PTPRG: variants seen among roughly 807,000 people sequenced by gnomAD.
PTPRG encodes the protein protein tyrosine phosphatase receptor type G, also known as receptor-type tyrosine-protein phosphatase gamma.
In PTPRG, 102 loss-of-function variants were observed where a neutral mutation model predicts 165.3. The ratio of observed to expected loss-of-function variants is 0.62; its 90% CI spans 0.53 to 0.73. PTPRG has a LOEUF of 0.73. Among genes scored for constraint, PTPRG ranks in the 30% least tolerant of loss-of-function variants. PTPRG has a pLI of 0.00. For missense variants in PTPRG, 1,866 were observed against 1,861.4 expected, an observed-to-expected ratio of 1.00 and a Z score of -0.05; for synonymous variants, 675 against 669.5, an observed-to-expected ratio of 1.01 and a Z score of -0.13.
intron 1 of PTPRG, among the ~76,000 whole-genome samples, chr3:61,619,508 C>T (rs893356033): frequency 1.3e-5 from 2 of 152,138 alleles, no homozygotes; most frequent in African/African-American, 4.8e-5. Flanking sequence ...CACAGGACAG[C>T]CACCGCAGGA....
At chr3:62,046,808 A>G (rs1421717771) in intron 4 of PTPRG, among the ~76,000 whole-genome samples, 1 of 152,138 alleles carries the variant, frequency 6.6e-6, no homozygotes, top group Non-Finnish European at 1.5e-5. Context: ...GATTGTTTTG[A>G]CTGTTGTTAT....
chr3:62,281,879 C>T (rs1412922769), intron 27 of PTPRG, among the ~76,000 whole-genome samples, 170 bp downstream of exon 27: 1 of 151,816 alleles, frequency 6.6e-6, no homozygotes, highest in East Asian at 1.9e-4. Context: ...TTTGCTTTTT[C>T]CAGCTGGCTA....
chr3:61,975,232 C>A (rs774418937), intron 2 of PTPRG, among the ~76,000 whole-genome samples: 1 of 152,122 alleles, frequency 6.6e-6, no homozygotes, highest in Non-Finnish European at 1.5e-5. Flanking sequence ...TGATCTTGGA[C>A]AGGTTATTTA....
chr3:62,087,555 C>G (rs756717095), intron 5 of PTPRG, among the ~76,000 whole-genome samples: 4 of 152,170 alleles, frequency 2.6e-5, no homozygotes, highest in Non-Finnish European at 5.9e-5. Flanking sequence ...TGGGACCCCT[C>G]AAGGTATTAT....
intron 2 of PTPRG, among the ~76,000 whole-genome samples, chr3:61,977,662 A>C (rs2040540897): frequency 6.6e-6 from 1 of 152,156 alleles, no homozygotes; most frequent in Admixed American, 6.5e-5. Context: ...TTTTTTAAAA[A>C]GTTTAACTTT....
intron 1 of PTPRG, among the ~76,000 whole-genome samples, chr3:61,608,503 A>T (rs928870095): frequency 6.6e-6 from 1 of 152,164 alleles, no homozygotes; most frequent in African/African-American, 2.4e-5. Context: ...TGCTGCCAGG[A>T]TGTGCCACCC....
In PTPRG at chr3:62,273,886, T is replaced by C; in HGVS notation, c.3465+42T>C. On this transcript the variant is annotated intron_variant, in intron 23 of 29. Transcript: ENST00000474889. The surrounding 1 kb of genome is among the most constrained non-coding windows in gnomAD (Gnocchi z 4.1). ...GTTTCTTTGGCATAAAGCAAGAAAA[T>C]GTTTTAAATGCCTTGAGTTTGGGGG... The C allele has an allele frequency of 1.3e-6, 2 of 1,596,088 alleles. No homozygotes were observed. Among genetic ancestry groups the C allele is most frequent in the Non-Finnish European group, 1.7e-6 (2 of 1,166,622 alleles).
At chr3:61,739,734 C>T (rs1052875212) in intron 1 of PTPRG, among the ~76,000 whole-genome samples, 1 of 152,182 alleles carries the variant, frequency 6.6e-6, no homozygotes, top group Non-Finnish European at 1.5e-5. Context: ...TAGTAAATAA[C>T]TTATGATTGG....
chr3:61,902,366 G>T (rs1211714915), intron 2 of PTPRG, among the ~76,000 whole-genome samples: 1 of 152,196 alleles, frequency 6.6e-6, no homozygotes, highest in Non-Finnish European at 1.5e-5. Context: ...AGAAGCAGGT[G>T]CTTGCTAGAC....
chr3:61,576,938 C>T (rs1275496139), intron 1 of PTPRG, among the ~76,000 whole-genome samples: 1 of 152,100 alleles, frequency 6.6e-6, no homozygotes, highest in African/African-American at 2.4e-5. Context: ...CAGATTATGG[C>T]GCTTGTAGGA....
intron 2 of PTPRG, among the ~76,000 whole-genome samples, chr3:61,850,697 TATTGAC>T (rs2036941375): frequency 6.6e-6 from 1 of 152,214 alleles, no homozygotes; most frequent in South Asian, 2.1e-4. Flanking sequence ...TTTATATTTT[TATTGAC>T]ATTAAGATGG....
chr3:61,814,089 T>TG (rs1338140243), intron 2 of PTPRG, among the ~76,000 whole-genome samples: 1 of 152,018 alleles, frequency 6.6e-6, no homozygotes, highest in Non-Finnish European at 1.5e-5. Context: ...TTAGTAGAGA[T>TG]GGGGTTTCAC....
chr3:61,682,876 C>T (rs1267157428), intron 1 of PTPRG, among the ~76,000 whole-genome samples: 1 of 152,144 alleles, frequency 6.6e-6, no homozygotes, highest in Non-Finnish European at 1.5e-5. Context: ...TGTGCAAATG[C>T]CCCAGGGTAA....
At chr3:61,837,354 C>G (rs2036498092) in intron 2 of PTPRG, among the ~76,000 whole-genome samples, 2 of 152,174 alleles carry the variant, frequency 1.3e-5, no homozygotes, top group Non-Finnish European at 2.9e-5. Flanking sequence ...CAACCTGAAT[C>G]CAGCTTTTTC....
chr3:61,918,458 T>A (rs959727432), intron 2 of PTPRG, among the ~76,000 whole-genome samples: 22 of 152,192 alleles, frequency 1.4e-4, no homozygotes, highest in African/African-American at 4.6e-4. Flanking sequence ...TGTGGTACTC[T>A]GAAGATACTG....
rs562873561 is a variant in PTPRG at position 62,190,375 on chromosome 3, G to A, written c.1034-1094G>A. 3.2e-4 allele frequency among the ~76,000 whole-genome samples: 49 copies of A among 152,334 alleles called. 1 individual carries two copies. In the South Asian group the frequency reaches 1.0e-2, roughly 31 times the overall value. On this transcript the variant is annotated intron_variant, in intron 8 of 29. Transcript: ENST00000474889. The surrounding 1 kb of genome is among the most constrained non-coding windows in gnomAD (Gnocchi z 5.2). ...CTGGACCATCAGCTCCATGAAGGCA[G>A]GCAGCACGGCCACACGGGTCTGGAC...
chr3:62,088,941 G>T (rs17769504), intron 5 of PTPRG, among the ~76,000 whole-genome samples: 1 of 152,148 alleles, frequency 6.6e-6, no homozygotes, highest in Admixed American at 6.5e-5. Flanking sequence ...TCTAGGCATT[G>T]AGGGCCAGGA....
chr3:62,091,913 C>A (rs1264905750), intron 5 of PTPRG, among the ~76,000 whole-genome samples: 1 of 152,042 alleles, frequency 6.6e-6, no homozygotes, highest in Non-Finnish European at 1.5e-5. Context: ...CCTACCTTCT[C>A]TCTTGTGTCC....
intron 1 of PTPRG, among the ~76,000 whole-genome samples, chr3:61,576,792 TTTG>T (rs370649919): frequency 4.6e-5 from 7 of 152,214 alleles, no homozygotes; most frequent in African/African-American, 1.4e-4. Flanking sequence ...TTGACTCACA[TTTG>T]TTTATTCAGA....
Sources: gnomAD v4.1 joint callset for allele counts (sites outside exome capture counted in the v4.1 genomes callset) on GRCh38, gnomAD v4.1.1 for gene constraint, Gnocchi (gnomAD v3.1) non-coding constraint, MANE v1.5 for transcripts, NCBI Gene and HGNC (gene_info 2026-07-23, HGNC 2026-07-21) for gene names.